ADAM20: variants seen among roughly 807,000 people sequenced by gnomAD.
ADAM20 encodes the protein disintegrin and metalloproteinase domain-containing protein 20.
For synonymous variants in ADAM20, 305 were observed against 310.2 expected (o/e 0.98, Z 0.18); for missense variants, 871 against 883.2 (o/e 0.99, Z 0.18).
chr14:70,577,146 T>C, the ADAM20 span, among the ~76,000 whole-genome samples: 2 of 152,130 alleles, frequency 1.3e-5, no homozygotes, highest in African/African-American at 4.8e-5. Context: ...CGTAACCTTG[T>C]TACCAAAATA....
At chr14:70,560,517 A>C in the ADAM20 span, among the ~76,000 whole-genome samples, 39 of 152,332 alleles carry the variant, frequency 2.6e-4, 1 homozygote, top group Admixed American at 1.6e-3. Context: ...TGACAGACTC[A>C]TAGAAAAAAA....
At chr14:70,572,107 T>C in the ADAM20 span, among the ~76,000 whole-genome samples, 1 of 152,208 alleles carries the variant, frequency 6.6e-6, no homozygotes, top group Non-Finnish European at 1.5e-5. Context: ...AATGTCATTT[T>C]TCACAGCACT....
chr14:70,535,904 G>A (rs1371779502), upstream of ADAM20, among the ~76,000 whole-genome samples: 6 of 152,032 alleles, frequency 3.9e-5, no homozygotes, highest in East Asian at 1.9e-4. Flanking sequence ...ATATATAAAC[G>A]AAATTGTAAG....
At chr14:70,537,593 TGAGA>T (rs1236767761), upstream of ADAM20, among the ~76,000 whole-genome samples, 2 of 152,144 alleles carry the variant, frequency 1.3e-5, no homozygotes, top group Non-Finnish European at 2.9e-5. Flanking sequence ...GACGTCCTCT[TGAGA>T]AAGAGGATTC....
chr14:70,538,145 G>A (rs974846099), upstream of ADAM20, among the ~76,000 whole-genome samples: 21 of 151,420 alleles, frequency 1.4e-4, no homozygotes, highest in South Asian at 2.7e-3. Context: ...CCGGTGTCCC[G>A]CCCTGCCCCC....
chr14:70,577,948 G>C, the ADAM20 span, among the ~76,000 whole-genome samples: 3 of 152,118 alleles, frequency 2.0e-5, no homozygotes, highest in African/African-American at 7.2e-5. Context: ...CATAAGGGAA[G>C]CACTTGATGC....
the ADAM20 span, among the ~76,000 whole-genome samples, chr14:70,573,888 T>C: frequency 2.0e-5 from 3 of 152,052 alleles, no homozygotes; most frequent in Non-Finnish European, 4.4e-5. Flanking sequence ...CAAATATTAA[T>C]AGAACAAAGA....
At chr14:70,543,056 G>A in the ADAM20 span, among the ~76,000 whole-genome samples, 30 of 152,220 alleles carry the variant, frequency 2.0e-4, no homozygotes, top group African/African-American at 6.7e-4. Context: ...TAATAAAAAT[G>A]GGAAACTGGA....
chr14:70,534,944 A>C lies in ADAM20; in HGVS notation c.-324T>G, dbSNP rs2139543400. 1 of 152,350 alleles carries C rather than the reference A, an allele frequency of 6.6e-6. No homozygotes were observed. The highest frequency in any genetic ancestry group is 3.4e-3 in the Middle Eastern group (1 of 294). The allele number at this position is 152,350 out of a possible 1,614,324, so 9.4% of individuals were successfully genotyped here. ...ACTTGGTACTAGGAGTGATACCAAA[A>C]AAGAAAGATAAAATGGGAATCTGAG... is the stretch of plus-strand genomic sequence containing the variant. On this transcript the variant is annotated 5_prime_UTR_variant, in exon 1 of 2. Coordinates refer to ENST00000256389, the MANE Select transcript of ADAM20 (RefSeq NM_003814.5).
chr14:70,540,394 C>G, the ADAM20 span, among the ~76,000 whole-genome samples: 1 of 152,076 alleles, frequency 6.6e-6, no homozygotes, highest in Non-Finnish European at 1.5e-5. Flanking sequence ...AAAGTAAAAG[C>G]CATGGAAACT....
At chr14:70,540,400 A>C in the ADAM20 span, among the ~76,000 whole-genome samples, 4 of 152,222 alleles carry the variant, frequency 2.6e-5, no homozygotes, top group African/African-American at 9.6e-5. Context: ...AAAGCCATGG[A>C]AACTTTCAGT....
At chr14:70,538,214 C>G (rs1046526854), upstream of ADAM20, among the ~76,000 whole-genome samples, 3 of 152,092 alleles carry the variant, frequency 2.0e-5, no homozygotes, top group Non-Finnish European at 2.9e-5. Flanking sequence ...CATTCAAAAA[C>G]CATCTCTGCT....
chr14:70,565,061 C>T, the ADAM20 span, among the ~76,000 whole-genome samples: 2 of 150,514 alleles, frequency 1.3e-5, no homozygotes, highest in African/African-American at 4.9e-5. Context: ...TTAAAAATAA[C>T]ATAAAATAAA....
At chr14:70,528,262 C>T (rs1883632247) in intron 1 of ADAM20, among the ~76,000 whole-genome samples, 1 of 152,178 alleles carries the variant, frequency 6.6e-6, no homozygotes, top group South Asian at 2.1e-4. Context: ...AATGATGATG[C>T]ACTCGCAGTG....
chr14:70,542,110 A>G, the ADAM20 span, among the ~76,000 whole-genome samples: 2 of 149,360 alleles, frequency 1.3e-5, no homozygotes, highest in African/African-American at 5.1e-5. Context: ...TTGCTTTTCA[A>G]AGTCAAATAA....
chr14:70,542,148 T>C, the ADAM20 span, among the ~76,000 whole-genome samples: 2 of 152,228 alleles, frequency 1.3e-5, no homozygotes, highest in Admixed American at 1.3e-4. Flanking sequence ...CTGACAGCTT[T>C]TAAAAATTTA....
the ADAM20 span, among the ~76,000 whole-genome samples, chr14:70,559,653 C>T: frequency 1.8e-4 from 27 of 152,326 alleles, no homozygotes; most frequent in Admixed American, 3.3e-4. Flanking sequence ...CCATCACTAT[C>T]GCTCTCTCCT....
the ADAM20 span, among the ~76,000 whole-genome samples, chr14:70,577,817 C>T: frequency 2.2e-4 from 34 of 151,982 alleles, no homozygotes; most frequent in African/African-American, 5.1e-4. Context: ...TTGGGAAAAC[C>T]GGATATACAC....
chr14:70,527,323 G>A (rs542519535), intron 1 of ADAM20, among the ~76,000 whole-genome samples: 205 of 152,228 alleles, frequency 1.3e-3, no homozygotes, highest in African/African-American at 4.8e-3. Context: ...TCTGTGCTAT[G>A]AATCCTATAG....
Sources: gnomAD v4.1 joint callset for allele counts (sites outside exome capture counted in the v4.1 genomes callset) on GRCh38, gnomAD v4.1.1 for gene constraint, MANE v1.5 for transcripts, NCBI Gene and HGNC (gene_info 2026-07-23, HGNC 2026-07-21) for gene names.